DGAT2: variants seen among roughly 807,000 people sequenced by gnomAD.
DGAT2 encodes diacylglycerol O-acyltransferase 2, also known as acyl-CoA retinol O-fatty-acyltransferase.
DGAT2 carries 33 observed loss-of-function variants against 48.4 expected under a neutral mutation model. The ratio of observed to expected loss-of-function variants is 0.68; its 90% CI spans 0.52 to 0.91. The LOEUF (loss-of-function observed/expected upper bound fraction) is 0.91. Among genes scored for constraint, DGAT2 ranks in the 40% least tolerant of loss-of-function variants. DGAT2 has a pLI of 0.00. For synonymous variants in DGAT2, 191 were observed against 194.1 expected, an observed-to-expected ratio of 0.98 and a Z score of 0.13; for missense variants, 446 against 493.7, an observed-to-expected ratio of 0.90 and a Z score of 0.92.
At chr11:75,785,836 C>A (rs1944916969) in intron 2 of DGAT2, among the ~76,000 whole-genome samples, 1 of 152,204 alleles carries the variant, frequency 6.6e-6, no homozygotes. Flanking sequence ...AGGGATAGAA[C>A]TTCACAGGTG....
intron 4 of DGAT2, chr11:75,794,672 TGGAACTGA>T (rs1565319351): frequency 6.6e-6 from 1 of 152,116 alleles, no homozygotes; most frequent in African/African-American, 2.4e-5. Flanking sequence ...CGAGAAGATA[TGGAACTGA>T]GGGATTTTGA....
intron 3 of DGAT2, 57 bp from the exon 4 acceptor site, chr11:75,790,604 C>A: frequency 6.5e-7 from 1 of 1,548,626 alleles, no homozygotes; most frequent in Admixed American, 1.7e-5. Flanking sequence ...CCTGTCTTGT[C>A]TGCCTTGCCC....
intron 7 of DGAT2, among the ~76,000 whole-genome samples, chr11:75,799,049 G>A (rs1297607044): frequency 6.6e-6 from 1 of 152,184 alleles, no homozygotes; most frequent in Non-Finnish European, 1.5e-5. Flanking sequence ...CCTATTGTAG[G>A]TGTGTGTGTG....
At chr11:75,796,104 T>C (rs1436154708) in intron 4 of DGAT2, 4 of 568,004 alleles carry the variant, frequency 7.0e-6, no homozygotes, top group Non-Finnish European at 9.5e-6. Context: ...AGGGCAAACA[T>C]TGCCCACCCC....
At chr11:75,786,428 G>T (rs946558245) in intron 2 of DGAT2, among the ~76,000 whole-genome samples, 1 of 152,118 alleles carries the variant, frequency 6.6e-6, no homozygotes, top group Admixed American at 6.5e-5. Context: ...TTTGTTCCCT[G>T]TTGCACCCCA....
intron 1 of DGAT2, among the ~76,000 whole-genome samples, chr11:75,780,547 C>A (rs1346098885): frequency 6.6e-6 from 1 of 152,168 alleles, no homozygotes; most frequent in Non-Finnish European, 1.5e-5. Flanking sequence ...GGTCTAGAAA[C>A]CCAAGTCCTG....
At chr11:75,796,603 G>A in intron 5 of DGAT2, 71 bp downstream of exon 5, 1 of 1,491,890 alleles carries the variant, frequency 6.7e-7, no homozygotes, top group Non-Finnish European at 9.1e-7. Context: ...CGGGCAGGGT[G>A]ACACAGGGAG....
chr11:75,779,136 C>T (rs1944835178), intron 1 of DGAT2, among the ~76,000 whole-genome samples: 1 of 152,170 alleles, frequency 6.6e-6, no homozygotes, highest in African/African-American at 2.4e-5. Flanking sequence ...TGCTCACAGA[C>T]ACCCTTCAAC....
At chr11:75,784,303 T>G in intron 1 of DGAT2, 1 of 199,444 alleles carries the variant, frequency 5.0e-6, no homozygotes, top group Non-Finnish European at 1.0e-5. Flanking sequence ...GAACTGGCAA[T>G]TATGAGAGAC....
chr11:75,792,983 T>C (rs1352868926), intron 4 of DGAT2: 1 of 152,260 alleles, frequency 6.6e-6, no homozygotes, highest in Non-Finnish European at 1.5e-5. Flanking sequence ...AGCAAGCCTT[T>C]GCTCTTCTGT....
chr11:75,787,668 GA>G lies in DGAT2; in HGVS notation c.251-2519del, dbSNP rs149370042. Among the ~76,000 whole-genome samples, 705 of 152,334 alleles carry G rather than the reference GA, an allele frequency of 4.6e-3. 8 individuals carry two copies. The highest frequency in any genetic ancestry group is 0.014 in the African/African-American group (593 of 41,572). On this transcript the variant is annotated intron_variant, in intron 2 of 7. Transcript: ENST00000228027. ...CAGAGCCTGTTGTTCAGAGGACAAGGATTAGGCTCTGAGAAAGGAAGGTCAT... is the reference window on the plus strand; with the variant it reads ...CAGAGCCTGTTGTTCAGAGGACAAGGTTAGGCTCTGAGAAAGGAAGGTCAT...
chr11:75,797,241 G>A lies in DGAT2; in HGVS notation c.718G>A (p.Gly240Ser). ...CAATGCTATCATCATCGTGGTCGGG[G>A]GTGCGGCTGAGTCTCTGAGCTCCAT... is the stretch of plus-strand genomic sequence containing the variant. ...SGNAIIIVVG[G>S]AAESLSSMPG... Residue 240 changes from glycine to serine, a missense_variant, in exon 6 of 8, where the codon GGT (glycine) becomes AGT (serine). Gly to Ser is a moderately conservative substitution (Grantham distance 56). Coordinates refer to ENST00000228027, the MANE Select transcript of DGAT2 (RefSeq NM_032564.5). The A allele has an allele frequency of 6.3e-7, 1 of 1,583,072 alleles. No individual in the cohort carries two copies. Among genetic ancestry groups the A allele is most frequent in the Non-Finnish European group, 8.6e-7 (1 of 1,164,060 alleles).
In DGAT2 at chr11:75,797,282, AG is replaced by A. The variant is rs759754552; in HGVS notation, c.760del (p.Val254SerfsTer10). 1 of 1,571,034 alleles carries A rather than the reference AG, an allele frequency of 6.4e-7. No homozygotes were observed. Among genetic ancestry groups the A allele is most frequent in the Admixed American group, 1.8e-5 (1 of 54,672 alleles). On this transcript the variant is annotated frameshift_variant, in exon 6 of 8. Transcript: ENST00000228027. LOFTEE classifies it high-confidence loss of function. The stretch of plus-strand genomic sequence containing the variant: ...TGAGCTCCATGCCTGGCAAGAATGC[AG>A]TCACCCTGCGGAACCGCAAGGGCTT... Reference protein sequence around the residue: ...SLSSMPGKNAVTLRNRKGFVK... With the variant: ...SLSSMPGKNAXTLRNRKGFVK...
intron 4 of DGAT2, 75 bp downstream of exon 4, chr11:75,790,806 C>T: frequency 4.6e-6 from 7 of 1,523,068 alleles, no homozygotes; most frequent in East Asian, 2.3e-5. Flanking sequence ...AACCCACCCA[C>T]AGGGAAGCAA....
At chr11:75,800,218 A>C (rs536707361) in intron 7 of DGAT2, 136 bp from the exon 8 acceptor site, 2 of 1,134,836 alleles carry the variant, frequency 1.8e-6, no homozygotes, top group Non-Finnish European at 1.2e-6. Context: ...ACAACCAGAG[A>C]TGCAGCACAT....
intron 2 of DGAT2, among the ~76,000 whole-genome samples, chr11:75,788,730 G>T (rs868805540): frequency 5.3e-5 from 8 of 152,302 alleles, no homozygotes; most frequent in Middle Eastern, 3.4e-3. Context: ...CACAGCAAGG[G>T]TTGGCCTCCC....
chr11:75,783,475 C>T (rs906616604), intron 1 of DGAT2, among the ~76,000 whole-genome samples: 2 of 152,118 alleles, frequency 1.3e-5, no homozygotes, highest in African/African-American at 4.8e-5. Flanking sequence ...CGTCTTTCTC[C>T]CTGCTCCCAG....
At chr11:75,783,648 G>A (rs1227836543) in intron 1 of DGAT2, among the ~76,000 whole-genome samples, 1 of 152,176 alleles carries the variant, frequency 6.6e-6, no homozygotes, top group Non-Finnish European at 1.5e-5. Context: ...ATGTAGTGGG[G>A]GTTCAGCAAA....
chr11:75,796,550 G>A lies in DGAT2; in HGVS notation c.634+18G>A. 1 of 1,608,686 alleles carries A rather than the reference G, an allele frequency of 6.2e-7. No homozygotes were observed. The highest frequency in any genetic ancestry group is 8.5e-7 in the Non-Finnish European group (1 of 1,177,760). ...GTCTGGAGGTAAGAATCCACCCCCT[G>A]TGCTCCTGCTGGGCACTGTTGTCAA... is the stretch of plus-strand genomic sequence containing the variant. On this transcript the variant is annotated intron_variant, in intron 5 of 7. Coordinates refer to ENST00000228027, the MANE Select transcript of DGAT2 (RefSeq NM_032564.5).
Sources: allele counts gnomAD v4.1 joint callset (sites outside exome capture counted in the v4.1 genomes callset), GRCh38; gene constraint gnomAD v4.1.1; transcripts MANE v1.5; gene names NCBI Gene and HGNC (gene_info 2026-07-23, HGNC 2026-07-21).